Variants in ZNF7 observed in about 807,000 individuals in gnomAD.
ZNF7 encodes the protein zinc finger protein 7.
In ZNF7, 10 loss-of-function variants were observed where a neutral mutation model predicts 12.0. The ratio of observed to expected loss-of-function variants is 0.83; its 90% CI spans 0.51 to 1.42. ZNF7 has a LOEUF of 1.42. ZNF7 is among the 40% of genes most tolerant of loss of function. ZNF7 has a pLI of 0.00. For missense variants in ZNF7, 854 were observed against 837.2 expected (o/e 1.02, Z -0.25); for synonymous variants, 334 against 295.0 (o/e 1.13, Z -1.35).
downstream of ZNF7, chr8:144,847,224 G>GCTAGAATATCCTGTTAAC (rs1302811022): frequency 5.3e-5 from 8 of 152,220 alleles, no homozygotes; most frequent in African/African-American, 1.9e-4. Context: ...TAGTGCAGGT[G>GCTAGAATATCCTGTTAAC]CTAGAATATC....
At chr8:144,829,318 C>T (rs1735157) in intron 2 of ZNF7, 160 bp from the exon 3 acceptor site, 534,920 of 1,533,944 alleles carry the variant, frequency 0.35, 97,858 homozygotes, top group South Asian at 0.5. Flanking sequence ...TTCCTTCCTC[C>T]TCCCCGAGAC....
At position 144,829,600 on chromosome 8, in the gene ZNF7, A is replaced by C. The variant is rs144587270; in HGVS notation, c.126A>C (p.Gly42=). The change falls in exon 3 of 5, where the codon GGA becomes GGC. Residue 42 remains glycine, a synonymous_variant. Coordinates refer to ENST00000532777, the MANE Select transcript of ZNF7 (RefSeq NM_003416.4). ...VMLENHSSVA[G]LAGFLVFKPE... is the part of the protein sequence containing the mutation. ...TGGAGAACCACAGCAGTGTGGCTGGACTAGGTGAGGCTGCACCTTGGGGCC... is the reference window on the plus strand; with the variant it reads ...TGGAGAACCACAGCAGTGTGGCTGGCCTAGGTGAGGCTGCACCTTGGGGCC... 47 of 1,609,564 alleles carry C rather than the reference A, an allele frequency of 2.9e-5. No homozygotes were observed. In the African/African-American group the frequency reaches 6.0e-4, roughly 21 times the overall value.
intron 3 of ZNF7, among the ~76,000 whole-genome samples, chr8:144,831,497 C>T (rs1828436667): frequency 6.6e-6 from 1 of 152,180 alleles, no homozygotes; most frequent in South Asian, 2.1e-4. Flanking sequence ...AAAACACTAT[C>T]TTAGGGCCGG....
chr8:144,844,733 A>AAC (rs1830410236), downstream of ZNF7, among the ~76,000 whole-genome samples: 3 of 132,432 alleles, frequency 2.3e-5, no homozygotes, highest in African/African-American at 8.9e-5. Context: ...AAAAAAAAAA[A>AAC]AAACGAAAAT....
chr8:144,847,351 A>G (rs1329507433), downstream of ZNF7: 1 of 152,196 alleles, frequency 6.6e-6, no homozygotes, highest in Admixed American at 6.5e-5. Flanking sequence ...AGGCCAAGGA[A>G]GGATCACGTG....
chr8:144,845,136 G>T (rs969520282), downstream of ZNF7, among the ~76,000 whole-genome samples: 1 of 152,180 alleles, frequency 6.6e-6, no homozygotes, highest in Non-Finnish European at 1.5e-5. Flanking sequence ...AACTCAGCCT[G>T]AAAGACTGCC....
intron 4 of ZNF7, chr8:144,838,746 TC>T (rs1829406371): frequency 6.6e-6 from 1 of 152,164 alleles, no homozygotes; most frequent in Admixed American, 6.6e-5. Flanking sequence ...ATCGAGACCA[TC>T]CTGGCCAACA....
At chr8:144,839,798 C>T (rs756134062) in intron 4 of ZNF7, among the ~76,000 whole-genome samples, 3 of 152,176 alleles carry the variant, frequency 2.0e-5, no homozygotes, top group Admixed American at 6.5e-5. Context: ...AGATATTGGC[C>T]CAGAGCAGTG....
downstream of ZNF7, chr8:144,847,079 G>A (rs1199272225): frequency 6.6e-6 from 1 of 152,224 alleles, no homozygotes; most frequent in Non-Finnish European, 1.5e-5. Context: ...CCAAGGGTGT[G>A]AGCACATGAC....
Position 144,843,587 on chromosome 8 carries a change from C to CAAAAA in ZNF7, c.*438_*442dup, listed in dbSNP as rs10544649. The CAAAAA allele has an allele frequency of 3.2e-5, 3 of 93,656 alleles. No homozygotes were observed. Among genetic ancestry groups the CAAAAA allele is most frequent in the African/African-American group, 8.4e-5 (2 of 23,740 alleles). The allele number at this position is 93,656 out of a possible 1,614,324, so 5.8% of individuals were successfully genotyped here. A position where few individuals can be genotyped will look rare whatever the true frequency, so the allele number is the denominator to read the frequency against. ...TGGGTGACAGAGTGAGACTCCCTCT[C>CAAAAA]AAAAAAAAAAAAAAAAAAAAAAATC... is the stretch of plus-strand genomic sequence containing the variant. On this transcript the variant is annotated 3_prime_UTR_variant, in exon 5 of 5. Coordinates refer to ENST00000532777, the MANE Select transcript of ZNF7 (RefSeq NM_003416.4).
At chr8:144,837,288 T>C (rs756179693) in intron 3 of ZNF7, 103 bp from the exon 4 acceptor site, 2 of 966,680 alleles carry the variant, frequency 2.1e-6, no homozygotes, top group Non-Finnish European at 3.1e-6. Flanking sequence ...CTGTGCCTTG[T>C]AGCCCCCCTG....
Position 144,842,425 on chromosome 8 carries a change from C to T in ZNF7, c.1318C>T (p.Pro440Ser), listed in dbSNP as rs904179337. Residue 440 changes from proline (P) to serine (S), a missense_variant, in exon 5 of 5, where the codon CCT (proline) becomes TCT (serine). Coordinates refer to ENST00000532777, the MANE Select transcript of ZNF7 (RefSeq NM_003416.4). ...TCAGCTGATTCACACTGGAGAGAAG[C>T]CTTATAAATGCAACAAGTGTACAAA... ...QHQLIHTGEK[P>S]YKCNKCTKAF... 1.2e-6 allele frequency: 2 copies of T among 1,614,184 alleles called. No homozygotes were observed. The highest frequency in any genetic ancestry group is 1.7e-6 in the Non-Finnish European group (2 of 1,180,048).
At chr8:144,827,632 G>T in intron 1 of ZNF7, 23 bp downstream of exon 1, 1 of 985,516 alleles carries the variant, frequency 1.0e-6, no homozygotes, top group Non-Finnish European at 1.2e-6. Flanking sequence ...GGCGGGCGCG[G>T]ACTCGGGTTG....
At chr8:144,840,483 G>C (rs575537899) in intron 4 of ZNF7, among the ~76,000 whole-genome samples, 3 of 152,182 alleles carry the variant, frequency 2.0e-5, no homozygotes, top group Non-Finnish European at 4.4e-5. Flanking sequence ...TGATTGTGTC[G>C]TGGTGGGGAC....
intron 1 of ZNF7, 131 bp from the exon 2 acceptor site, chr8:144,828,893 GTGCCATGGCTGCTTCAGCC>G: frequency 1.0e-6 from 1 of 954,950 alleles, no homozygotes; most frequent in Non-Finnish European, 1.6e-6. Context: ...CTTCACTCAA[GTGCCATGGCTGCTTCAGCC>G]CAGCCCCATG....
intron 4 of ZNF7, 125 bp downstream of exon 4, chr8:144,837,632 G>T: frequency 1.5e-6 from 1 of 669,312 alleles, no homozygotes. Flanking sequence ...GAATGCTACT[G>T]GGGAAGCAGC....
Position 144,829,605 on chromosome 8 carries a change from G to C in ZNF7, c.130+1G>C, listed in dbSNP as rs775673151. The C allele has an allele frequency of 6.2e-7, 1 of 1,606,186 alleles. No homozygotes were observed. The highest frequency in any genetic ancestry group is 2.2e-5 in the East Asian group (1 of 44,664). On this transcript the variant is annotated splice_donor_variant, in intron 3 of 4. Transcript: ENST00000532777. LOFTEE classifies it high-confidence loss of function. ...AACCACAGCAGTGTGGCTGGACTAG[G>C]TGAGGCTGCACCTTGGGGCCCCTTC...
At chr8:144,838,555 T>C (rs931132445) in intron 4 of ZNF7, 41 of 172,794 alleles carry the variant, frequency 2.4e-4, no homozygotes, top group African/African-American at 9.5e-4. Context: ...GTCATCACCG[T>C]CACTCCTGCA....
At position 144,843,270 on chromosome 8, in the gene ZNF7, TAAAGGTTCAG is replaced by T; in HGVS notation, c.*105_*114del. The stretch of plus-strand genomic sequence containing the variant: ...TACTGACAAACATGTAGAATGTTGG[TAAAGGTTCAG>T]AATTGCTCTCAAGAATATCCAACTT... On this transcript the variant is annotated 3_prime_UTR_variant, in exon 5 of 5. Transcript: ENST00000532777. 7.3e-7 allele frequency: 1 copy of T among 1,373,108 alleles called. No homozygotes were observed. Among genetic ancestry groups the T allele is most frequent in the East Asian group, 2.3e-5 (1 of 42,682 alleles). 85.1% of individuals were successfully genotyped at this position (1,373,108 alleles called of 1,614,324 possible).
Sources: gnomAD v4.1 joint callset for allele counts (sites outside exome capture counted in the v4.1 genomes callset) on GRCh38, gnomAD v4.1.1 for gene constraint, MANE v1.5 for transcripts, NCBI Gene and HGNC (gene_info 2026-07-23, HGNC 2026-07-21) for gene names.